WWOX: variants seen among roughly 807,000 people sequenced by gnomAD.
WWOX encodes the protein WW domain-containing oxidoreductase.
In WWOX, 69 loss-of-function variants were observed where a neutral mutation model predicts 46.2. The ratio of observed to expected loss-of-function variants is 1.49; its 90% confidence interval spans 1.23 to 1.82. The LOEUF is 1.82. Among genes scored for constraint, WWOX ranks in the 40% most tolerant of loss-of-function variants. The pLI is 0.00. For missense variants in WWOX, 919 were observed against 542.6 expected (o/e 1.69, Z -6.89); for synonymous variants, 359 against 202.6 (o/e 1.77, Z -6.56).
rs143550323 is a variant in WWOX, at chr16:78,565,232, A to G, written c.1056+132480A>G. ...ATAGCTGATTTGTTATAAACAAATT[A>G]CCAAAAACGTACTGGCTTTAAACAA... On this transcript the variant is annotated intron_variant, in intron 8 of 8. Coordinates refer to ENST00000566780, the MANE Select transcript of WWOX (RefSeq NM_016373.4). 5.1e-3 allele frequency among the ~76,000 whole-genome samples: 770 copies of G among 152,346 alleles called. 12 individuals are homozygous for G. Among genetic ancestry groups the G allele is most frequent in the Non-Finnish European group, 3.3e-3 (225 of 68,030 alleles).
rs956794056 is a variant in WWOX at position 78,274,950 on chromosome 16, C to T, written c.516+110661C>T. ...GAGAGCCTTTCCCTTCTCTTTGGCT[C>T]GTTTTCAGTTTTTATTAATTTCCTG... On this transcript the variant is annotated intron_variant, in intron 5 of 8. Transcript: ENST00000566780. Among the ~76,000 whole-genome samples, 22 of 152,220 alleles carry T rather than the reference C, an allele frequency of 1.4e-4. 2 individuals carry two copies. The highest frequency in any genetic ancestry group is 1.0e-3 in the Admixed American group (16 of 15,280).
chr16:78,769,830 G>C, intron 8 of WWOX, among the ~76,000 whole-genome samples: 1 of 149,836 alleles, frequency 6.7e-6, no homozygotes, highest in Non-Finnish European at 1.5e-5. Context: ...AACATAGGGA[G>C]GTCCTGTCTC....
At chr16:78,936,021 C>T (rs1451278539) in intron 8 of WWOX, among the ~76,000 whole-genome samples, 1 of 151,978 alleles carries the variant, frequency 6.6e-6, no homozygotes, top group Non-Finnish European at 1.5e-5. Flanking sequence ...TCTGCCAACA[C>T]AGTGGGTTTG....
At chr16:78,662,131 G>A (rs2047228304) in intron 8 of WWOX, among the ~76,000 whole-genome samples, 1 of 152,156 alleles carries the variant, frequency 6.6e-6, no homozygotes, top group Non-Finnish European at 1.5e-5. Flanking sequence ...GGGGTTTGCA[G>A]TAAGCTAGGA....
At chr16:79,182,746 T>G (rs28612243) in intron 8 of WWOX, among the ~76,000 whole-genome samples, 184 of 152,274 alleles carry the variant, frequency 1.2e-3, no homozygotes, top group African/African-American at 4.2e-3. Flanking sequence ...TACTGCATAG[T>G]TTTGTTATGA....
intron 8 of WWOX, among the ~76,000 whole-genome samples, chr16:78,627,900 C>T (rs771274413): frequency 1.3e-5 from 2 of 152,174 alleles, no homozygotes; most frequent in African/African-American, 2.4e-5. Flanking sequence ...GTGGATTTGG[C>T]GTTGGCCAGA....
chr16:78,110,566 A>G (rs2032434800), intron 3 of WWOX, among the ~76,000 whole-genome samples: 1 of 152,304 alleles, frequency 6.6e-6, no homozygotes, highest in East Asian at 1.9e-4. Flanking sequence ...CTATAATTAT[A>G]AATAATGTAT....
rs1369310464 is a variant in WWOX at position 78,363,305 on chromosome 16, A to G, written c.517-23555A>G. ...GGGCTTTTTTTTTTGACGGGGTCTT[A>G]ATATGTCACCCAGGCTGCAGTGCAG... On this transcript the variant is annotated intron_variant, in intron 5 of 8. Transcript: ENST00000566780. Among the ~76,000 whole-genome samples the G allele has an allele frequency of 2.7e-5, 4 of 150,380 alleles. No individual in the cohort carries two copies. The East Asian group carries it at 7.8e-4, about 29-fold the overall frequency.
At chr16:79,018,499 G>C (rs1021946352) in intron 8 of WWOX, among the ~76,000 whole-genome samples, 3 of 152,192 alleles carry the variant, frequency 2.0e-5, no homozygotes, top group African/African-American at 7.2e-5. Flanking sequence ...ACAGACCCAA[G>C]AGGAGAAGGG....
chr16:79,016,135 T>G (rs907219214), intron 8 of WWOX: 1 of 152,248 alleles, frequency 6.6e-6, no homozygotes, highest in Non-Finnish European at 1.5e-5. Flanking sequence ...CTATTTAAGC[T>G]ATCGATTACC....
intron 8 of WWOX, among the ~76,000 whole-genome samples, chr16:79,058,521 G>A (rs951594896): frequency 6.6e-6 from 1 of 152,022 alleles, no homozygotes; most frequent in Non-Finnish European, 1.5e-5. Flanking sequence ...AGGAAAGGAG[G>A]GAGGAGGCAA....
intron 4 of WWOX, among the ~76,000 whole-genome samples, chr16:78,134,075 C>G (rs1410605168): frequency 6.6e-6 from 1 of 152,160 alleles, no homozygotes; most frequent in Non-Finnish European, 1.5e-5. Context: ...CTGTGTTTCT[C>G]ATGTTGGTTA....
At chr16:78,944,500 C>G (rs532877765) in intron 8 of WWOX, among the ~76,000 whole-genome samples, 1 of 152,170 alleles carries the variant, frequency 6.6e-6, no homozygotes, top group Non-Finnish European at 1.5e-5. Flanking sequence ...CCTCAAGATA[C>G]AACAACATTT....
At position 78,788,408 on chromosome 16, in the gene WWOX, C is replaced by T. The variant is rs532961726; in HGVS notation, c.1056+355656C>T. ...CAAGGCAGGACTCTAATCTTCCCCACCTTTTTGATTGTGAGTCTTCAGACC... is the reference window on the plus strand; with the variant it reads ...CAAGGCAGGACTCTAATCTTCCCCATCTTTTTGATTGTGAGTCTTCAGACC... On this transcript the variant is annotated intron_variant, in intron 8 of 8. Transcript: ENST00000566780. Among the ~76,000 whole-genome samples, 103 of 152,330 alleles carry T rather than the reference C, an allele frequency of 6.8e-4. 1 individual carries two copies. The highest frequency in any genetic ancestry group is 2.4e-3 in the African/African-American group (101 of 41,574).
At chr16:78,461,656 C>G (rs1344589280) in intron 8 of WWOX, among the ~76,000 whole-genome samples, 1 of 152,224 alleles carries the variant, frequency 6.6e-6, no homozygotes, top group Non-Finnish European at 1.5e-5. Flanking sequence ...AAAACCCTCA[C>G]AGGTCACGCC....
chr16:78,756,846 T>A lies in WWOX; in HGVS notation c.1056+324094T>A. 7.2e-6 allele frequency: 5 copies of A among 691,318 alleles called. No homozygotes were observed. In the South Asian group the frequency reaches 7.6e-5, roughly 10 times the overall value. 42.8% of individuals were successfully genotyped at this position (691,318 alleles called of 1,614,324 possible). A position where few individuals can be genotyped will look rare whatever the true frequency, so the allele number is the denominator to read the frequency against. ...TAATACTACTGACCTGTATAATCGA[T>A]AGGGTATTGCAGACATCAGAGCATG... On this transcript the variant is annotated intron_variant, in intron 8 of 8. Coordinates refer to ENST00000566780, the MANE Select transcript of WWOX (RefSeq NM_016373.4).
chr16:78,813,984 T>C (rs773187602), intron 8 of WWOX, among the ~76,000 whole-genome samples: 1 of 152,204 alleles, frequency 6.6e-6, no homozygotes, highest in Non-Finnish European at 1.5e-5. Context: ...TTCTATTATA[T>C]CTCCGCTGGT....
chr16:78,135,264 A>G (rs577584392), intron 4 of WWOX, among the ~76,000 whole-genome samples: 3 of 152,312 alleles, frequency 2.0e-5, no homozygotes, highest in South Asian at 2.1e-4. Context: ...GTGCCTTTTC[A>G]TGTTTAGTTT....
In WWOX at chr16:78,772,655, G is replaced by C. The variant is rs575691844; in HGVS notation, c.1056+339903G>C. On this transcript the variant is annotated intron_variant, in intron 8 of 8. Coordinates refer to ENST00000566780, the MANE Select transcript of WWOX (RefSeq NM_016373.4). ...GCATGGCTACTACTAGCTAATTCCA[G>C]GCTTCAAGCCACTGGGGCATAGGCA... is the stretch of plus-strand genomic sequence containing the variant. 7.2e-4 allele frequency among the ~76,000 whole-genome samples: 109 copies of C among 152,296 alleles called. 1 individual carries two copies. The highest frequency in any genetic ancestry group is 2.6e-3 in the African/African-American group (108 of 41,564).
Sources: gnomAD v4.1 joint callset for allele counts (sites outside exome capture counted in the v4.1 genomes callset) on GRCh38, gnomAD v4.1.1 for gene constraint, MANE v1.5 for transcripts, NCBI Gene and HGNC (gene_info 2026-07-23, HGNC 2026-07-21) for gene names.